ABCA13: variants seen among roughly 807,000 people sequenced by gnomAD.
The protein encoded by ABCA13 is ATP binding cassette subfamily A member 13.
A neutral mutation model predicts 478.7 loss-of-function variants in ABCA13; 476 were observed. The observed-to-expected ratio is 0.99, with a 90% CI of 0.92 to 1.07. The LOEUF is 1.07. Among genes scored for constraint, ABCA13 ranks in the 50% least tolerant of loss-of-function variants. ABCA13 has a pLI of 0.00. For synonymous variants in ABCA13, 2,252 were observed against 2,158.9 expected (o/e 1.04, Z -1.20); for missense variants, 6,060 against 5,910.6 (o/e 1.03, Z -0.83).
intron 16 of ABCA13, among the ~76,000 whole-genome samples, chr7:48,270,217 G>A (rs1229862053): frequency 6.6e-6 from 1 of 152,034 alleles, no homozygotes; most frequent in African/African-American, 2.4e-5. Context: ...TCCTAGTCAT[G>A]CCACATAATA....
chr7:48,384,202 A>C (rs1814818376), intron 35 of ABCA13, among the ~76,000 whole-genome samples: 1 of 152,240 alleles, frequency 6.6e-6, no homozygotes, highest in South Asian at 2.1e-4. Context: ...GAAGACCTGC[A>C]GCTTTGTGAG....
intron 3 of ABCA13, among the ~76,000 whole-genome samples, chr7:48,201,403 G>T (rs947916271): frequency 6.6e-6 from 1 of 151,094 alleles, no homozygotes; most frequent in Non-Finnish European, 1.5e-5. Flanking sequence ...AAGGCAGTAA[G>T]GAGACTTTTC....
intron 53 of ABCA13, among the ~76,000 whole-genome samples, chr7:48,522,966 C>T (rs555237685): frequency 6.6e-6 from 1 of 152,332 alleles, no homozygotes; most frequent in African/African-American, 2.4e-5. Flanking sequence ...TCAATAAACA[C>T]ACCTTCATCT....
intron 20 of ABCA13, among the ~76,000 whole-genome samples, chr7:48,294,747 G>A (rs970903613): frequency 6.6e-6 from 1 of 152,134 alleles, no homozygotes; most frequent in Admixed American, 6.5e-5. Context: ...CGCCCGGCCC[G>A]TTTCTATGGG....
intron 55 of ABCA13, among the ~76,000 whole-genome samples, chr7:48,552,763 A>T (rs1435638585): frequency 6.6e-6 from 1 of 151,674 alleles, no homozygotes; most frequent in Non-Finnish European, 1.5e-5. Context: ...CGTACAGTGC[A>T]TAATAATCAC....
chr7:48,384,675 CTTGGAGGACACCTGCCTGCA>C (rs1196293196), intron 35 of ABCA13, among the ~76,000 whole-genome samples: 1 of 152,188 alleles, frequency 6.6e-6, no homozygotes, highest in East Asian at 1.9e-4. Flanking sequence ...TTGCAAGGTT[CTTGGAGGACACCTGCCTGCA>C]TTAATTTTCT....
intron 59 of ABCA13, among the ~76,000 whole-genome samples, chr7:48,625,463 A>G (rs1793578999): frequency 6.6e-6 from 1 of 152,234 alleles, no homozygotes; most frequent in Admixed American, 6.5e-5. Flanking sequence ...AAAGCATCAT[A>G]TAATTCACCT....
Position 48,278,083 on chromosome 7 carries a change from T to TA in ABCA13, c.6900-10dup, listed in dbSNP as rs754091674. 7.4e-5 allele frequency: 75 copies of TA among 1,015,426 alleles called. No homozygotes were observed. Among genetic ancestry groups the TA allele is most frequent in the Middle Eastern group, 6.4e-4 (2 of 3,112 alleles). 62.9% of individuals were successfully genotyped at this position (1,015,426 alleles called of 1,614,324 possible). A position where few individuals can be genotyped will look rare whatever the true frequency, so the allele number is the denominator to read the frequency against. On this transcript the variant is annotated splice_polypyrimidine_tract_variant and intron_variant, in intron 17 of 61. Transcript: ENST00000435803. ...ATTAAATTAAAAGTATATATATATA[T>TA]ATATTTACAGTTTTGTCCCAAAAGA...
At chr7:48,406,836 G>A (rs1818323447) in intron 39 of ABCA13, among the ~76,000 whole-genome samples, 2 of 152,078 alleles carry the variant, frequency 1.3e-5, no homozygotes, top group East Asian at 3.9e-4. Context: ...TCGTGCCACT[G>A]CACTCCAGCC....
intron 58 of ABCA13, among the ~76,000 whole-genome samples, chr7:48,602,558 C>A (rs751957703): frequency 6.6e-6 from 1 of 152,030 alleles, no homozygotes; most frequent in Non-Finnish European, 1.5e-5. Context: ...ATTTCTGAGG[C>A]CTCTGTTCTG....
chr7:48,592,080 G>A (rs1789814934), intron 57 of ABCA13, among the ~76,000 whole-genome samples: 1 of 151,838 alleles, frequency 6.6e-6, no homozygotes, highest in African/African-American at 2.4e-5. Context: ...TATGATGTTA[G>A]TTGTGGGCTT....
chr7:48,248,140 G>A, intron 13 of ABCA13, 99 bp from the exon 14 acceptor site: 1 of 939,372 alleles, frequency 1.1e-6, no homozygotes. Flanking sequence ...CAGTTTGAGT[G>A]GACCCCTTGT....
At chr7:48,607,587 C>A (rs1791600111) in intron 58 of ABCA13, among the ~76,000 whole-genome samples, 1 of 152,152 alleles carries the variant, frequency 6.6e-6, no homozygotes, top group Non-Finnish European at 1.5e-5. Context: ...TCTTCTAAAT[C>A]TAGCATCTGA....
chr7:48,213,100 G>T (rs1378041237), intron 3 of ABCA13, among the ~76,000 whole-genome samples: 1 of 151,856 alleles, frequency 6.6e-6, no homozygotes, highest in Non-Finnish European at 1.5e-5. Context: ...TTCTTTCTAT[G>T]GTGTGATGTA....
At chr7:48,200,472 G>A (rs1416667979) in intron 3 of ABCA13, among the ~76,000 whole-genome samples, 1 of 152,176 alleles carries the variant, frequency 6.6e-6, no homozygotes. Flanking sequence ...CAGAAATTCA[G>A]GGGTTATAAA....
chr7:48,504,182 G>C (rs1031824599), intron 48 of ABCA13, among the ~76,000 whole-genome samples: 1 of 152,174 alleles, frequency 6.6e-6, no homozygotes, highest in Non-Finnish European at 1.5e-5. Context: ...AGAGTTTGGG[G>C]AAATGATAGC....
Position 48,335,407 on chromosome 7 carries a change from T to G in ABCA13, c.10000-15T>G, listed in dbSNP as rs769508279. The G allele has an allele frequency of 3.2e-6, 5 of 1,548,742 alleles. No homozygotes were observed. The highest frequency in any genetic ancestry group is 4.4e-6 in the Non-Finnish European group (5 of 1,126,156). ...GCTGAATAAGAGACATATCCAAATATGCTTCATTTTGCAGGCTAATTACAC... is the reference window on the plus strand; with the variant it reads ...GCTGAATAAGAGACATATCCAAATAGGCTTCATTTTGCAGGCTAATTACAC... On this transcript the variant is annotated splice_polypyrimidine_tract_variant and intron_variant, in intron 27 of 61. Coordinates refer to ENST00000435803, the MANE Select transcript of ABCA13 (RefSeq NM_152701.5).
At chr7:48,209,025 T>G (rs1276237179) in intron 3 of ABCA13, among the ~76,000 whole-genome samples, 1 of 152,168 alleles carries the variant, frequency 6.6e-6, no homozygotes, top group Non-Finnish European at 1.5e-5. Context: ...ATGTTGAATT[T>G]TATTTAATGC....
rs1832142654 is a variant in ABCA13 at position 48,516,705 on chromosome 7, C to T, written c.13641-20C>T. On this transcript the variant is annotated intron_variant, in intron 51 of 61. Transcript: ENST00000435803. ...AAATGTTACAGTAAAACAAACATTA[C>T]TTTTCACTTTACTTTTCAGATATGC... 6.2e-7 allele frequency: 1 copy of T among 1,611,246 alleles called. No individual in the cohort carries two copies. Among genetic ancestry groups the T allele is most frequent in the Non-Finnish European group, 8.5e-7 (1 of 1,178,006 alleles).
Sources: gnomAD v4.1 joint callset for allele counts (sites outside exome capture counted in the v4.1 genomes callset) on GRCh38, gnomAD v4.1.1 for gene constraint, MANE v1.5 for transcripts, NCBI Gene and HGNC (gene_info 2026-07-23, HGNC 2026-07-21) for gene names.